The following FBXO16 variants were observed in gnomAD, a reference collection of about 807,000 sequenced individuals.
The protein encoded by FBXO16 is F-box only protein 16.
Under a neutral mutation model 41.0 loss-of-function variants are expected in FBXO16, and 31 were observed. The observed-to-expected ratio is 0.76, with a 90% confidence interval of 0.57 to 1.02. The LOEUF (loss-of-function observed/expected upper bound fraction) is 1.02, where lower values mean the gene tolerates loss of function less well. FBXO16 is among the 50% of genes least tolerant of loss of function. The probability of loss-of-function intolerance (pLI) is 0.00; values close to 1 mark genes in which losing one functional copy is unlikely to be tolerated. For synonymous variants in FBXO16, 133 were observed against 117.8 expected (o/e 1.13, Z -0.84); for missense variants, 361 against 346.2 (o/e 1.04, Z -0.34).
At chr8:28,462,697 T>C (rs1803157218) in intron 4 of FBXO16, among the ~76,000 whole-genome samples, 1 of 152,188 alleles carries the variant, frequency 6.6e-6, no homozygotes, top group Non-Finnish European at 1.5e-5. Context: ...AAAATGACTA[T>C]CAGTTTTATA....
intron 2 of FBXO16, among the ~76,000 whole-genome samples, chr8:28,481,179 C>A (rs1212189860): frequency 6.6e-6 from 1 of 152,152 alleles, no homozygotes; most frequent in Non-Finnish European, 1.5e-5. Flanking sequence ...GGAATTTACT[C>A]TTGGGAGTGG....
chr8:28,441,904 A>ATGTGTGTG (rs1277525159), intron 7 of FBXO16, among the ~76,000 whole-genome samples: 10 of 117,652 alleles, frequency 8.5e-5, no homozygotes, highest in African/African-American at 5.3e-4. Context: ...CACAGTGTAT[A>ATGTGTGTG]TATATATGTG....
At chr8:28,453,353 A>G (rs914933638) in intron 5 of FBXO16, among the ~76,000 whole-genome samples, 1 of 151,850 alleles carries the variant, frequency 6.6e-6, no homozygotes, top group Non-Finnish European at 1.5e-5. Flanking sequence ...CATTCCCCCA[A>G]AAAAGTACTC....
chr8:28,473,628 T>C, intron 3 of FBXO16, 144 bp downstream of exon 3: 2 of 730,484 alleles, frequency 2.7e-6, no homozygotes, highest in African/African-American at 1.8e-5. Context: ...GAAAAACAAA[T>C]GTCTGGGTTT....
At chr8:28,456,285 C>T (rs922339088) in intron 5 of FBXO16, among the ~76,000 whole-genome samples, 1 of 152,284 alleles carries the variant, frequency 6.6e-6, no homozygotes, top group Admixed American at 6.5e-5. Context: ...ACTAAGAACT[C>T]TAATATGCCC....
chr8:28,428,609 G>C lies in FBXO16; in HGVS notation c.*118C>G. On this transcript the variant is annotated 3_prime_UTR_variant, in exon 9 of 9. Transcript: ENST00000380254. ...CTGGATGAGTCATGCTTGGGGCCCA[G>C]GGTGCCTGTGAGGATGCTGCATGAG... 1 of 1,551,620 alleles carries C rather than the reference G, an allele frequency of 6.4e-7. No homozygotes were observed. The highest frequency in any genetic ancestry group is 8.7e-7 in the Non-Finnish European group (1 of 1,147,080).
intron 3 of FBXO16, among the ~76,000 whole-genome samples, chr8:28,468,392 A>G (rs1030972815): frequency 2.6e-5 from 4 of 152,186 alleles, no homozygotes; most frequent in African/African-American, 9.6e-5. Flanking sequence ...CTCACACTGA[A>G]TGGCAAAAAG....
chr8:28,488,541 C>A (rs1803639645), intron 1 of FBXO16, among the ~76,000 whole-genome samples: 1 of 151,184 alleles, frequency 6.6e-6, no homozygotes, highest in African/African-American at 2.4e-5. Flanking sequence ...TGGGCTCAAG[C>A]AATCCACCAC....
chr8:28,440,015 C>T (rs1802744579), intron 7 of FBXO16, among the ~76,000 whole-genome samples: 1 of 131,098 alleles, frequency 7.6e-6, no homozygotes, highest in South Asian at 2.8e-4. Context: ...ATTTTAATTA[C>T]AGCTGTGTTC....
intron 7 of FBXO16, among the ~76,000 whole-genome samples, chr8:28,437,393 G>A (rs563291607): frequency 6.6e-6 from 1 of 152,332 alleles, no homozygotes; most frequent in East Asian, 1.9e-4. Flanking sequence ...ACTCCAAGTA[G>A]CGGGCTCACC....
intron 1 of FBXO16, among the ~76,000 whole-genome samples, chr8:28,483,963 C>A (rs1048524619): frequency 6.6e-6 from 1 of 152,184 alleles, no homozygotes; most frequent in African/African-American, 2.4e-5. Context: ...AATGGAAGTG[C>A]ACAATTACCT....
chr8:28,432,128 AGTGTGTGTGTGT>A (rs56917233), intron 7 of FBXO16, among the ~76,000 whole-genome samples: 23 of 142,916 alleles, frequency 1.6e-4, no homozygotes, highest in South Asian at 9.3e-4. Context: ...CTATGTATGG[AGTGTGTGTGTGT>A]GTGTGTGTGT....
rs763829467 is a variant in FBXO16 at position 28,452,249 on chromosome 8, C to T, written c.735G>A (p.Gln245=). Reference sequence around the variant, plus strand: ...AAGAGCATGGAGCTTCTTACCCTTGCTGGACAGTCTCCATGGGGTCACGGT... The same window carrying T: ...AAGAGCATGGAGCTTCTTACCCTTGTTGGACAGTCTCCATGGGGTCACGGT... The part of the protein sequence containing the change: ...LDNRDPMETV[Q]QGRRKRNQMT... Residue 245 remains glutamine, a synonymous_variant, in exon 6 of 9, where the codon CAG becomes CAA. Coordinates refer to ENST00000380254, the MANE Select transcript of FBXO16 (RefSeq NM_172366.4). 6.8e-6 allele frequency: 11 copies of T among 1,613,720 alleles called. No individual in the cohort carries two copies. The Admixed American group carries it at 1.0e-4, about 15-fold the overall frequency.
At chr8:28,457,345 T>C (rs1196123580) in intron 4 of FBXO16, among the ~76,000 whole-genome samples, 2 of 152,224 alleles carry the variant, frequency 1.3e-5, no homozygotes, top group Non-Finnish European at 2.9e-5. Context: ...TCTGCACTTT[T>C]TTTATTCTTT....
chr8:28,461,269 G>A (rs1306510959), intron 4 of FBXO16, among the ~76,000 whole-genome samples: 1 of 152,074 alleles, frequency 6.6e-6, no homozygotes, highest in East Asian at 1.9e-4. Flanking sequence ...TCCAAGCACT[G>A]GAACTGCTGG....
In FBXO16 at chr8:28,474,282, T is replaced by C. The variant is rs149698358; in HGVS notation, c.100-475A>G. 4.8e-3 allele frequency among the ~76,000 whole-genome samples: 538 copies of C among 111,986 alleles called. 5 individuals are homozygous for C. Among genetic ancestry groups the C allele is most frequent in the African/African-American group, 0.018 (516 of 28,386 alleles). 73.5% of individuals were successfully genotyped at this position (111,986 alleles called of 152,430 possible). A position where few individuals can be genotyped will look rare whatever the true frequency, so the allele number is the denominator to read the frequency against. ...GCAGTGAGCTATGATCACGTCACTG[T>C]ACTTCTAACCTGGGTAACAGAGCCA... On this transcript the variant is annotated intron_variant, in intron 2 of 8. Transcript: ENST00000380254.
intron 2 of FBXO16, among the ~76,000 whole-genome samples, chr8:28,481,006 G>A (rs1432058819): frequency 1.3e-5 from 2 of 152,180 alleles, no homozygotes; most frequent in Non-Finnish European, 1.5e-5. Flanking sequence ...AGGCGAGGGC[G>A]AGAGCACATG....
chr8:28,443,934 T>C (rs1459394245), intron 7 of FBXO16, among the ~76,000 whole-genome samples: 1 of 152,204 alleles, frequency 6.6e-6, no homozygotes, highest in Non-Finnish European at 1.5e-5. Context: ...ATCCACCCCT[T>C]GTTTAGCATA....
chr8:28,482,790 G>A (rs1321445253), intron 2 of FBXO16, among the ~76,000 whole-genome samples: 1 of 151,850 alleles, frequency 6.6e-6, no homozygotes, highest in Non-Finnish European at 1.5e-5. Flanking sequence ...TGTTAACCAG[G>A]CTGGTCTCGA....
Sources: allele counts gnomAD v4.1 joint callset (sites outside exome capture counted in the v4.1 genomes callset), GRCh38; gene constraint gnomAD v4.1.1; transcripts MANE v1.5; gene names NCBI Gene and HGNC (gene_info 2026-07-23, HGNC 2026-07-21).